The following CAPZB variants were observed in gnomAD, a reference collection of about 807,000 sequenced individuals.
CAPZB encodes capping actin protein of muscle Z-line subunit beta, also known as F-actin-capping protein subunit beta.
A neutral mutation model predicts 38.1 loss-of-function variants in CAPZB; 2 were observed. The observed-to-expected ratio is 0.05, with a 90% CI of 0.02 to 0.17. CAPZB has a LOEUF of 0.17. CAPZB is among the 10% of genes least tolerant of loss of function. The probability of loss-of-function intolerance (pLI) is 1.00; values close to 1 mark genes in which losing one functional copy is unlikely to be tolerated. For synonymous variants in CAPZB, 107 were observed against 127.4 expected (o/e 0.84, Z 1.08); for missense variants, 161 against 334.2 (o/e 0.48, Z 4.04).
intron 2 of CAPZB, among the ~76,000 whole-genome samples, chr1:19,395,868 G>GCAGCCGGCCAGC (rs1553276546): frequency 6.6e-6 from 1 of 152,234 alleles, no homozygotes; most frequent in Non-Finnish European, 1.5e-5. Flanking sequence ...AGAACTGCCT[G>GCAGCCGGCCAGC]CAGCCGGCCA....
chr1:19,411,725 T>C (rs2094357706), intron 2 of CAPZB, among the ~76,000 whole-genome samples: 1 of 152,222 alleles, frequency 6.6e-6, no homozygotes, highest in Non-Finnish European at 1.5e-5. Flanking sequence ...CATCAGAATC[T>C]GAAATCACTT....
intron 1 of CAPZB, among the ~76,000 whole-genome samples, chr1:19,467,520 A>T (rs1426803740): frequency 6.6e-6 from 1 of 152,190 alleles, no homozygotes; most frequent in Non-Finnish European, 1.5e-5. Flanking sequence ...GCTAAGGTCC[A>T]AAGGTCCAAA....
intron 2 of CAPZB, among the ~76,000 whole-genome samples, chr1:19,412,545 G>A (rs968989992): frequency 4.6e-5 from 7 of 152,136 alleles, no homozygotes; most frequent in Non-Finnish European, 1.0e-4. Context: ...AGCCTCCCAA[G>A]TAGTTGTAAC....
intron 1 of CAPZB, among the ~76,000 whole-genome samples, chr1:19,447,287 T>C (rs1474984212): frequency 6.8e-6 from 1 of 146,880 alleles, no homozygotes; most frequent in Non-Finnish European, 1.5e-5. Flanking sequence ...TTTTTTTTTT[T>C]TTTTTTTTTG....
chr1:19,357,105 T>C lies in CAPZB; in HGVS notation c.471+317A>G, dbSNP rs2094025719. Among the ~76,000 whole-genome samples the C allele has an allele frequency of 6.6e-6, 1 of 152,176 alleles. No individual in the cohort carries two copies. Among genetic ancestry groups the C allele is most frequent in the African/African-American group, 2.4e-5 (1 of 41,452 alleles). ...GTCTTGAACTCCTGACCTCCGGTGATCTGCCCACCTCAGCCTCCCAAACTG... is the reference window on the plus strand; with the variant it reads ...GTCTTGAACTCCTGACCTCCGGTGACCTGCCCACCTCAGCCTCCCAAACTG... On this transcript the variant is annotated intron_variant, in intron 5 of 8. Coordinates refer to ENST00000264202, the MANE Select transcript of CAPZB (RefSeq NM_004930.5). This position sits in a 1 kb window ranked among gnomAD's most constrained non-coding sequence, Gnocchi z 4.3.
chr1:19,395,077 C>T lies in CAPZB; in HGVS notation c.94-9451G>A, dbSNP rs560454454. Among the ~76,000 whole-genome samples the T allele has an allele frequency of 7.2e-5, 11 of 152,250 alleles. No individual in the cohort carries two copies. The South Asian group carries it at 2.3e-3, about 32-fold the overall frequency. ...ACATTTAGGGTCAGCCAGCCTAAGCCACGACGCTTGGCAGGTTAGGGGGAT... is the reference window on the plus strand; with the variant it reads ...ACATTTAGGGTCAGCCAGCCTAAGCTACGACGCTTGGCAGGTTAGGGGGAT... On this transcript the variant is annotated intron_variant, in intron 2 of 8. Coordinates refer to ENST00000264202, the MANE Select transcript of CAPZB (RefSeq NM_004930.5).
intron 1 of CAPZB, among the ~76,000 whole-genome samples, chr1:19,481,852 C>T (rs1308746742): frequency 6.6e-6 from 1 of 152,168 alleles, no homozygotes; most frequent in Non-Finnish European, 1.5e-5. Context: ...GGCTCTTTCC[C>T]CCTTAAGCTT....
At chr1:19,380,926 T>C (rs1488707174) in intron 3 of CAPZB, among the ~76,000 whole-genome samples, 3 of 152,058 alleles carry the variant, frequency 2.0e-5, no homozygotes, top group African/African-American at 7.2e-5. Flanking sequence ...TCCCAGCACC[T>C]TGGGAGGCCG....
At chr1:19,381,638 T>C (rs1024586752) in intron 3 of CAPZB, among the ~76,000 whole-genome samples, 8 of 150,906 alleles carry the variant, frequency 5.3e-5, no homozygotes, top group African/African-American at 1.7e-4. Context: ...GATGTGAACA[T>C]GGTCCACTGT....
At chr1:19,482,380 C>G (rs2094632760) in intron 1 of CAPZB, among the ~76,000 whole-genome samples, 2 of 152,222 alleles carry the variant, frequency 1.3e-5, no homozygotes, top group Admixed American at 1.3e-4. Flanking sequence ...GTTGTTTCAC[C>G]TTGTAACAAT....
chr1:19,386,959 C>A (rs1411047723), intron 2 of CAPZB, among the ~76,000 whole-genome samples: 1 of 152,198 alleles, frequency 6.6e-6, no homozygotes, highest in Non-Finnish European at 1.5e-5. Context: ...ATTCTTTCTC[C>A]ATGTGTATCT....
At chr1:19,458,930 T>C (rs1386683635) in intron 1 of CAPZB, among the ~76,000 whole-genome samples, 1 of 152,172 alleles carries the variant, frequency 6.6e-6, no homozygotes, top group African/African-American at 2.4e-5. Context: ...AACTACTAGG[T>C]GGAGAGGGCA....
rs11483583 is a variant in CAPZB, at chr1:19,434,550, C to CTTT, written c.4-14803_4-14801dup. Among the ~76,000 whole-genome samples, 40 of 146,988 alleles carry CTTT rather than the reference C, an allele frequency of 2.7e-4. 1 individual carries two copies. The highest frequency in any genetic ancestry group is 8.8e-4 in the Admixed American group (13 of 14,790). Reference sequence around the variant, plus strand: ...GACCAACCTGACCAACAGAGTAAGCCTTTTTTTTTTTTAAGGGTTAAAAAA... The same window carrying CTTT: ...GACCAACCTGACCAACAGAGTAAGCCTTTTTTTTTTTTTTTAAGGGTTAAAAAA... On this transcript the variant is annotated intron_variant, in intron 1 of 8. Transcript: ENST00000264202.
chr1:19,399,579 A>C (rs2094291985), intron 2 of CAPZB, among the ~76,000 whole-genome samples: 1 of 152,180 alleles, frequency 6.6e-6, no homozygotes, highest in Admixed American at 6.5e-5. Context: ...TACATGGGGC[A>C]TGGGCCACAG....
At chr1:19,440,793 G>A (rs1179364863) in intron 1 of CAPZB, among the ~76,000 whole-genome samples, 1 of 152,208 alleles carries the variant, frequency 6.6e-6, no homozygotes, top group East Asian at 1.9e-4. Flanking sequence ...GGGCGCGGTG[G>A]CTCACGCCTG....
chr1:19,343,969 G>A (rs1482605007), intron 8 of CAPZB, among the ~76,000 whole-genome samples: 1 of 152,228 alleles, frequency 6.6e-6, no homozygotes, highest in Non-Finnish European at 1.5e-5. Context: ...CTGTCTCGGA[G>A]AGCAGGCCAG....
At chr1:19,438,323 C>T (rs965100688) in intron 1 of CAPZB, among the ~76,000 whole-genome samples, 5 of 152,126 alleles carry the variant, frequency 3.3e-5, no homozygotes, top group African/African-American at 9.7e-5. Flanking sequence ...ACTTCAGCTA[C>T]GTGCGGCTTA....
intron 8 of CAPZB, chr1:19,342,975 A>AG (rs954642859): frequency 5.5e-6 from 4 of 731,462 alleles, no homozygotes; most frequent in African/African-American, 5.2e-5. Flanking sequence ...ACGAGGCGGA[A>AG]GGGGGGATGC....
At chr1:19,482,490 C>T (rs1469833184) in intron 1 of CAPZB, among the ~76,000 whole-genome samples, 2 of 152,220 alleles carry the variant, frequency 1.3e-5, no homozygotes, top group Non-Finnish European at 2.9e-5. Flanking sequence ...TAAAGCCTCA[C>T]CATCATCATA....
Sources: gnomAD v4.1 joint callset for allele counts (sites outside exome capture counted in the v4.1 genomes callset) on GRCh38, gnomAD v4.1.1 for gene constraint, Gnocchi (gnomAD v3.1) non-coding constraint, MANE v1.5 for transcripts, NCBI Gene and HGNC (gene_info 2026-07-23, HGNC 2026-07-21) for gene names.